PTPRT: variants seen among roughly 807,000 people sequenced by gnomAD.
PTPRT encodes the protein receptor-type tyrosine-protein phosphatase T.
PTPRT carries 56 observed loss-of-function variants against 176.8 expected under a neutral mutation model. That is an observed-to-expected ratio of 0.32 (90% CI 0.26 to 0.40). The LOEUF (loss-of-function observed/expected upper bound fraction) is 0.40, where lower values mean the gene tolerates loss of function less well. PTPRT is among the 10% of genes least tolerant of loss of function. The pLI is 1.00. For synonymous variants in PTPRT, 783 were observed against 739.0 expected, an observed-to-expected ratio of 1.06 and a Z score of -0.96; for missense variants, 1,540 against 1,908.2, an observed-to-expected ratio of 0.81 and a Z score of 3.60.
chr20:43,107,079 C>T (rs1402952646), intron 1 of PTPRT, among the ~76,000 whole-genome samples: 4 of 152,248 alleles, frequency 2.6e-5, no homozygotes, highest in South Asian at 2.1e-4. Flanking sequence ...TGTGAGCCAC[C>T]GCACCTGGCC....
chr20:42,161,423 C>T lies in PTPRT; in HGVS notation c.2611G>A (p.Val871Met). The T allele has an allele frequency of 6.2e-7, 1 of 1,614,160 alleles. No homozygotes were observed. The highest frequency in any genetic ancestry group is 1.1e-5 in the South Asian group (1 of 91,078). Reference protein sequence around the residue: ...PRDQFQPAIRVADLLQHITQM... With the variant: ...PRDQFQPAIRMADLLQHITQM... Reference sequence around the variant, plus strand: ...GTGATGTGCTGCAGCAAGTCAGCCACCCGGATGGCGGGTTGGAACTGGTCC... The same window carrying T: ...GTGATGTGCTGCAGCAAGTCAGCCATCCGGATGGCGGGTTGGAACTGGTCC... Residue 871 changes from valine (V) to methionine (M), a missense_variant, in exon 17 of 31, where the codon GTG (valine) becomes ATG (methionine). By Grantham distance (21) the Val-to-Met change is conservative. Around this residue, in one of 11 missense-constraint regions of PTPRT, gnomAD observed 255 missense variants for 250.1 expected, o/e 1.02. Coordinates refer to ENST00000373187, the MANE Select transcript of PTPRT (RefSeq NM_007050.6).
intron 8 of PTPRT, among the ~76,000 whole-genome samples, chr20:42,462,658 G>A (rs1289375976): frequency 6.6e-6 from 1 of 152,130 alleles, no homozygotes; most frequent in Non-Finnish European, 1.5e-5. Flanking sequence ...TTACAGAGGG[G>A]TTAGAGGTTA....
chr20:42,329,472 GGC>G (rs2057933578), intron 11 of PTPRT, among the ~76,000 whole-genome samples: 2 of 141,518 alleles, frequency 1.4e-5, no homozygotes, highest in Non-Finnish European at 1.5e-5. Context: ...AGAATATAGT[GGC>G]ACACACACAC....
intron 6 of PTPRT, among the ~76,000 whole-genome samples, chr20:42,701,180 T>C (rs2075969050): frequency 6.6e-6 from 1 of 152,082 alleles, no homozygotes; most frequent in East Asian, 1.9e-4. Flanking sequence ...TTTATCACAC[T>C]GGGAAGGAAG....
chr20:42,137,018 TG>T, intron 18 of PTPRT, among the ~76,000 whole-genome samples: 1 of 152,200 alleles, frequency 6.6e-6, no homozygotes, highest in South Asian at 2.1e-4. Flanking sequence ...TCTGGCTCTT[TG>T]GGCCTGCCCT....
chr20:42,742,748 C>T (rs1004121697), intron 6 of PTPRT, among the ~76,000 whole-genome samples: 1 of 152,220 alleles, frequency 6.6e-6, no homozygotes, highest in Non-Finnish European at 1.5e-5. Context: ...AGGTCCCACA[C>T]TCTGCGATTT....
intron 1 of PTPRT, among the ~76,000 whole-genome samples, chr20:43,012,333 C>T (rs944145443): frequency 5.9e-5 from 9 of 152,120 alleles, no homozygotes; most frequent in Middle Eastern, 3.4e-3. Context: ...CAGAAAAGGA[C>T]AAATATTGTA....
At chr20:42,195,625 T>C (rs1991184899) in intron 16 of PTPRT, among the ~76,000 whole-genome samples, 1 of 152,226 alleles carries the variant, frequency 6.6e-6, no homozygotes, top group Admixed American at 6.5e-5. Context: ...ACGTATTCAG[T>C]GATTCAGACT....
chr20:42,082,582 G>C (rs1983445894), intron 29 of PTPRT, among the ~76,000 whole-genome samples: 1 of 152,214 alleles, frequency 6.6e-6, no homozygotes, highest in South Asian at 2.1e-4. Flanking sequence ...GGAACTTGGA[G>C]GGAGGAACTG....
At chr20:42,084,954 G>T in intron 28 of PTPRT, 109 bp from the exon 29 acceptor site, 1 of 932,364 alleles carries the variant, frequency 1.1e-6, no homozygotes, top group Non-Finnish European at 1.4e-6. Flanking sequence ...GACCAAATGG[G>T]ATCTAAGCCA....
chr20:42,965,528 G>A (rs961871775), intron 1 of PTPRT, among the ~76,000 whole-genome samples: 1 of 152,122 alleles, frequency 6.6e-6, no homozygotes, highest in Non-Finnish European at 1.5e-5. Context: ...GAATGCCTGT[G>A]TTTAACAAAC....
intron 13 of PTPRT, among the ~76,000 whole-genome samples, chr20:42,272,705 GCACACACACGTGCGCGCACACACA>G (rs2056957751): frequency 7.3e-6 from 1 of 136,446 alleles, no homozygotes; most frequent in South Asian, 2.4e-4. Flanking sequence ...GCGCATGCGT[GCACACACACGTGCGCGCACACACA>G]CACACACACA....
At chr20:42,398,054 T>C (rs2058868447) in intron 9 of PTPRT, among the ~76,000 whole-genome samples, 1 of 152,180 alleles carries the variant, frequency 6.6e-6, no homozygotes, top group Admixed American at 6.5e-5. Context: ...ACATACTTTG[T>C]ATTAAATAAC....
At chr20:42,618,788 G>T (rs1232729912) in intron 7 of PTPRT, among the ~76,000 whole-genome samples, 1 of 132,280 alleles carries the variant, frequency 7.6e-6, no homozygotes, top group East Asian at 2.1e-4. Context: ...TTTTCCATTT[G>T]CTTGGTAGAT....
chr20:42,678,894 A>T (rs2146072941), intron 6 of PTPRT, among the ~76,000 whole-genome samples: 1 of 152,324 alleles, frequency 6.6e-6, no homozygotes, highest in African/African-American at 2.4e-5. Flanking sequence ...GAACACACAG[A>T]TTGTTAGTGA....
intron 15 of PTPRT, among the ~76,000 whole-genome samples, chr20:42,205,687 T>A (rs2055439400): frequency 1.3e-5 from 2 of 152,162 alleles, no homozygotes; most frequent in African/African-American, 4.8e-5. Flanking sequence ...GGGGAGACAC[T>A]GATCAGGCAC....
At chr20:42,619,061 T>C (rs1171520016) in intron 7 of PTPRT, among the ~76,000 whole-genome samples, 1 of 151,376 alleles carries the variant, frequency 6.6e-6, no homozygotes, top group Non-Finnish European at 1.5e-5. Flanking sequence ...TTTGGCATGA[T>C]TTTGCAGCGG....
intron 2 of PTPRT, among the ~76,000 whole-genome samples, chr20:42,812,603 C>T (rs1433058808): frequency 6.6e-6 from 1 of 152,048 alleles, no homozygotes; most frequent in East Asian, 1.9e-4. Flanking sequence ...TTGATTTGCA[C>T]ATTCAGTTAT....
At chr20:43,148,979 A>G (rs1332472736) in intron 1 of PTPRT, among the ~76,000 whole-genome samples, 1 of 152,228 alleles carries the variant, frequency 6.6e-6, no homozygotes, top group African/African-American at 2.4e-5. Context: ...TTACTTCTGC[A>G]AGACAAATTA....
Sources: gnomAD v4.1 joint callset for allele counts (sites outside exome capture counted in the v4.1 genomes callset) on GRCh38, gnomAD v4.1.1 for gene constraint, gnomAD v4.1.1 regional missense constraint, MANE v1.5 for transcripts, NCBI Gene and HGNC (gene_info 2026-07-23, HGNC 2026-07-21) for gene names.